LRP5: variants seen among roughly 807,000 people sequenced by gnomAD.
LRP5 encodes the protein LDL receptor related protein 5.
A neutral mutation model predicts 154.1 loss-of-function variants in LRP5; 62 were observed. The observed-to-expected ratio is 0.40, with a 90% CI of 0.33 to 0.50. LRP5 has a LOEUF of 0.50. Ranked by LOEUF, LRP5 falls within the 20% of genes least tolerant of loss-of-function variation. LRP5 has a pLI of 0.55. For synonymous variants in LRP5, 966 were observed against 1,011.5 expected, an observed-to-expected ratio of 0.96 and a Z score of 0.85; for missense variants, 1,915 against 2,336.7, an observed-to-expected ratio of 0.82 and a Z score of 3.72.
At chr11:68,416,225 G>A (rs551615339) in intron 12 of LRP5, 103 bp from the exon 13 acceptor site, 17 of 969,028 alleles carry the variant, frequency 1.8e-5, no homozygotes, top group Non-Finnish European at 2.7e-5. Flanking sequence ...CTCCAGCGGG[G>A]CAGATGCTGA....
upstream of LRP5, among the ~76,000 whole-genome samples, chr11:68,311,480 A>C (rs1391605622): frequency 2.0e-5 from 3 of 152,120 alleles, no homozygotes; most frequent in Non-Finnish European, 4.4e-5. Flanking sequence ...AGTTTCCCCA[A>C]ACACTGCAGC....
intron 5 of LRP5, among the ~76,000 whole-genome samples, chr11:68,374,221 T>C (rs1195812376): frequency 6.6e-6 from 1 of 152,188 alleles, no homozygotes; most frequent in Non-Finnish European, 1.5e-5. Flanking sequence ...CTCACGTCCC[T>C]CCGTCTGTCC....
intron 17 of LRP5, among the ~76,000 whole-genome samples, chr11:68,432,242 C>T (rs113466432): frequency 7.5e-4 from 115 of 152,340 alleles, no homozygotes; most frequent in African/African-American, 2.7e-3. Context: ...TGAGAGGCTG[C>T]TCGGTTTCAC....
In LRP5 at chr11:68,406,707, C is replaced by T. The variant is rs1443529052; in HGVS notation, c.1985C>T (p.Thr662Ile). 1.9e-5 allele frequency: 30 copies of T among 1,614,070 alleles called. No individual in the cohort carries two copies. The East Asian group carries it at 6.5e-4, about 35-fold the overall frequency. ...GCCATCCACAGGATCTCCCTCGAGA[C>T]CAATAACAACGACGTGGCCATCCCG... is the stretch of plus-strand genomic sequence containing the variant. ...RAAIHRISLE[T>I]NNNDVAIPLT... is the part of the protein sequence containing the mutation. Residue 662 changes from threonine (T) to isoleucine (I), a missense_variant, in exon 9 of 23, where the codon ACC becomes ATC. By Grantham distance (89) the Thr-to-Ile change is moderately conservative (BLOSUM62 -1). Coordinates refer to ENST00000294304, the MANE Select transcript of LRP5 (RefSeq NM_002335.4).
intron 21 of LRP5, among the ~76,000 whole-genome samples, chr11:68,443,581 ATATATTTT>A (rs1205579333): frequency 0.037 from 1,356 of 36,450 alleles, 4 homozygotes; most frequent in Non-Finnish European, 0.051. Context: ...ATATATATAT[ATATATTTT>A]TTTTTTTTTT....
At chr11:68,307,835 AAAGT>A (rs2098584827), upstream of LRP5, among the ~76,000 whole-genome samples, 2 of 152,196 alleles carry the variant, frequency 1.3e-5, no homozygotes, top group African/African-American at 4.8e-5. Flanking sequence ...ATGAAAAATA[AAAGT>A]AAGGTAGAAA....
At chr11:68,304,462 A>C in the LRP5 span, among the ~76,000 whole-genome samples, 1 of 152,222 alleles carries the variant, frequency 6.6e-6, no homozygotes, top group African/African-American at 2.4e-5. Context: ...TTCCCATTGG[A>C]GGGGAAATGT....
At chr11:68,377,184 G>T (rs2098637836) in intron 5 of LRP5, among the ~76,000 whole-genome samples, 1 of 152,128 alleles carries the variant, frequency 6.6e-6, no homozygotes, top group Non-Finnish European at 1.5e-5. Context: ...GGCAGTGGGG[G>T]GCCACAGGAG....
At chr11:68,445,639 G>C (rs1481736656) in intron 21 of LRP5, 1 of 1,318,916 alleles carries the variant, frequency 7.6e-7, no homozygotes, top group African/African-American at 1.5e-5. Flanking sequence ...TACACCCTTT[G>C]GGAAGCTGCA....
At chr11:68,411,301 C>A in intron 10 of LRP5, 135 bp from the exon 11 acceptor site, 1 of 895,484 alleles carries the variant, frequency 1.1e-6, no homozygotes, top group Non-Finnish European at 1.7e-6. Flanking sequence ...CCCTTCCCTG[C>A]TTCCTGCGCG....
Position 68,448,826 on chromosome 11 carries a change from G to T in LRP5, c.4604G>T (p.Gly1535Val). The part of the protein sequence containing the change: ...ARPYRPYIIR[G>V]MAPPTTPCST... ...CCTTTCAGGCCCTACATCATTCGAG[G>T]AATGGCGCCCCCGACGACGCCCTGC... The change falls in exon 23 of 23, where the codon GGA (glycine) becomes GTA (valine). Residue 1535 changes from glycine (G) to valine (V), a missense_variant. Gly to Val is a moderately radical substitution (Grantham distance 109). Around this residue, in one of 3 missense-constraint regions of LRP5, gnomAD observed 1,094 missense variants for 1,210.1 expected, o/e 0.90. Coordinates refer to ENST00000294304, the MANE Select transcript of LRP5 (RefSeq NM_002335.4). The T allele has an allele frequency of 6.2e-7, 1 of 1,607,558 alleles. No individual in the cohort carries two copies. The highest frequency in any genetic ancestry group is 8.5e-7 in the Non-Finnish European group (1 of 1,179,940).
intron 16 of LRP5, among the ~76,000 whole-genome samples, chr11:68,426,648 C>T (rs979806189): frequency 6.6e-6 from 1 of 152,046 alleles, no homozygotes. Flanking sequence ...GTCTGCAACT[C>T]CTGGGCACAA....
At chr11:68,426,935 G>A (rs570016576) in intron 16 of LRP5, among the ~76,000 whole-genome samples, 1 of 152,264 alleles carries the variant, frequency 6.6e-6, no homozygotes, top group African/African-American at 2.4e-5. Flanking sequence ...TTATTGGTCG[G>A]GGACCACTCT....
At chr11:68,349,794 C>T (rs2098616764) in intron 2 of LRP5, among the ~76,000 whole-genome samples, 1 of 152,136 alleles carries the variant, frequency 6.6e-6, no homozygotes, top group South Asian at 2.1e-4. Flanking sequence ...GCTTGGCCAC[C>T]CCTTGTCCCT....
At chr11:68,383,278 T>A (rs2098641260) in intron 5 of LRP5, among the ~76,000 whole-genome samples, 1 of 152,178 alleles carries the variant, frequency 6.6e-6, no homozygotes, top group African/African-American at 2.4e-5. Flanking sequence ...GCACTGGCGT[T>A]CTCTGTGGGG....
Position 68,348,084 on chromosome 11 carries a change from C to T in LRP5, c.329C>T (p.Pro110Leu). Residue 110 changes from proline to leucine, a missense_variant, in exon 2 of 23, where the codon CCC (proline) becomes CTC (leucine). Transcript: ENST00000294304. ...QNVVISGLVS[P>L]DGLACDWVGK... ...GTGGTCATCTCCGGCCTGGTCTCTC[C>T]CGACGGCCTCGCCTGCGACTGGGTG... The T allele has an allele frequency of 6.2e-7, 1 of 1,614,112 alleles. No homozygotes were observed. The highest frequency in any genetic ancestry group is 1.1e-5 in the South Asian group (1 of 91,092).
chr11:68,320,990 A>G (rs148699064), intron 1 of LRP5, among the ~76,000 whole-genome samples: 10 of 148,370 alleles, frequency 6.7e-5, no homozygotes, highest in Admixed American at 3.4e-4. Context: ...TTATAAATAT[A>G]TCCTCCATTA....
chr11:68,338,223 G>A (rs1453726501), intron 1 of LRP5, among the ~76,000 whole-genome samples: 1 of 152,190 alleles, frequency 6.6e-6, no homozygotes, highest in African/African-American at 2.4e-5. Flanking sequence ...GTAATGCTTG[G>A]TGAATATATA....
At chr11:68,436,833 A>G (rs1436080391) in intron 18 of LRP5, 56 bp from the exon 19 acceptor site, 9 of 1,313,476 alleles carry the variant, frequency 6.9e-6, no homozygotes, top group East Asian at 2.3e-5. Context: ...TGTGCCCTGC[A>G]TGGTGGGCTG....
Sources: allele counts gnomAD v4.1 joint callset (sites outside exome capture counted in the v4.1 genomes callset), GRCh38; gene constraint gnomAD v4.1.1; regional missense constraint gnomAD v4.1.1; transcripts MANE v1.5; gene names NCBI Gene and HGNC (gene_info 2026-07-23, HGNC 2026-07-21).